IGSF9B: variants seen among roughly 807,000 people sequenced by gnomAD.
The protein encoded by IGSF9B is immunoglobulin superfamily member 9B, also known as protein turtle homolog B.
IGSF9B carries 48 observed loss-of-function variants against 143.7 expected under a neutral mutation model. The observed-to-expected ratio is 0.33, with a 90% CI of 0.26 to 0.42. The LOEUF (loss-of-function observed/expected upper bound fraction) is 0.42, where lower values mean the gene tolerates loss of function less well. Ranked by LOEUF, IGSF9B falls within the 20% of genes least tolerant of loss-of-function variation. IGSF9B has a pLI of 1.00. For synonymous variants in IGSF9B, 903 were observed against 833.1 expected, an observed-to-expected ratio of 1.08 and a Z score of -1.44; for missense variants, 1,706 against 1,980.0, an observed-to-expected ratio of 0.86 and a Z score of 2.63.
chr11:133,947,901 G>C (rs1940085319), intron 1 of IGSF9B, among the ~76,000 whole-genome samples: 1 of 151,798 alleles, frequency 6.6e-6, no homozygotes. Context: ...CTCCATTTCT[G>C]CATGTGTCTG....
chr11:133,925,653 T>C lies in IGSF9B; in HGVS notation c.2034+86A>G, dbSNP rs538867206. 9.3e-4 allele frequency: 998 copies of C among 1,075,102 alleles called. 11 individuals carry two copies. The South Asian group carries it at 0.013, about 14-fold the overall frequency. 66.6% of individuals were successfully genotyped at this position (1,075,102 alleles called of 1,614,324 possible). ...TGTGGCTGGCCTCACACACCCAAAGTTGGTCACTCAAAGCTTCCAGTGCCT... is the reference window on the plus strand; with the variant it reads ...TGTGGCTGGCCTCACACACCCAAAGCTGGTCACTCAAAGCTTCCAGTGCCT... On this transcript the variant is annotated intron_variant, in intron 14 of 19. Transcript: ENST00000533871.
Position 133,920,063 on chromosome 11 carries a change from C to T in IGSF9B, c.3662G>A (p.Arg1221His), listed in dbSNP as rs375449983. 2.0e-4 allele frequency: 311 copies of T among 1,542,240 alleles called. No homozygotes were observed. Among genetic ancestry groups the T allele is most frequent in the Non-Finnish European group, 2.7e-4 (305 of 1,146,188 alleles). The change falls in exon 18 of 20, where the codon CGT becomes CAT. Residue 1221 changes from arginine to histidine, a missense_variant. Around this residue, in one of 7 missense-constraint regions of IGSF9B, gnomAD observed 880 missense variants for 762.9 expected, o/e 1.15. Transcript: ENST00000533871. The stretch of plus-strand genomic sequence containing the variant: ...CAGGAGGCCCGGGCGAGGCCGGGCA[C>T]GGGCGGCGAGCTCAGGGGAGCCGGT... The part of the protein sequence containing the change: ...SRTGSPELAA[R>H]ARPRPGLLQQ...
rs749401029 is a variant in IGSF9B, at chr11:133,925,896, G to A, written c.1877C>T (p.Thr626Ile). 1 of 1,612,508 alleles carries A rather than the reference G, an allele frequency of 6.2e-7. No individual in the cohort carries two copies. Among genetic ancestry groups the A allele is most frequent in the African/African-American group, 1.3e-5 (1 of 74,938 alleles). ...TPPRCLIANR[T>I]QQGVLLSWLP... is the part of the protein sequence containing the mutation. ...CCAGGACAGGAGCACACCCTGCTGAGTCCGATTGGCTATGAGGCACCTCGG... is the reference window on the plus strand; with the variant it reads ...CCAGGACAGGAGCACACCCTGCTGAATCCGATTGGCTATGAGGCACCTCGG... The change falls in exon 14 of 20, where the codon ACT becomes ATT. Residue 626 changes from threonine (T) to isoleucine (I), a missense_variant. By Grantham distance (89) the Thr-to-Ile change is moderately conservative. This residue lies in a region of IGSF9B where 267 missense variants were observed against 321.1 expected (regional missense o/e 0.83). Coordinates refer to ENST00000533871, the MANE Select transcript of IGSF9B (RefSeq NM_001277285.4).
At position 133,925,922 on chromosome 11, in the gene IGSF9B, TGGGGTGACCAGCACCAG is replaced by T; in HGVS notation, c.1834_1850del (p.Leu612ThrfsTer66). On this transcript the variant is annotated frameshift_variant, in exon 14 of 20. Coordinates refer to ENST00000533871, the MANE Select transcript of IGSF9B (RefSeq NM_001277285.4). LOFTEE classifies it high-confidence loss of function. ...TCCGATTGGCTATGAGGCACCTCGG[TGGGGTGACCAGCACCAG>T]GGGTTCTGGAGTTGTAATAGGGAAT... 1 of 1,609,544 alleles carries T rather than the reference TGGGGTGACCAGCACCAG, an allele frequency of 6.2e-7. No individual in the cohort carries two copies. The highest frequency in any genetic ancestry group is 2.2e-5 in the East Asian group (1 of 44,682).
Position 133,931,641 on chromosome 11 carries a change from C to A in IGSF9B, c.1251+14G>T, listed in dbSNP as rs376796007. 1 of 1,607,996 alleles carries A rather than the reference C, an allele frequency of 6.2e-7. No individual in the cohort carries two copies. Among genetic ancestry groups the A allele is most frequent in the Non-Finnish European group, 8.5e-7 (1 of 1,176,496 alleles). On this transcript the variant is annotated intron_variant, in intron 9 of 19. Coordinates refer to ENST00000533871, the MANE Select transcript of IGSF9B (RefSeq NM_001277285.4). This position sits in a 1 kb window ranked among gnomAD's most constrained non-coding sequence, Gnocchi z 7.7. ...GCCCAGCTCATGGAGGCCGTCACAG[C>A]CCTGGGACCTCACCTTCAGGACAAG... is the stretch of plus-strand genomic sequence containing the variant.
In IGSF9B at chr11:133,919,757, G is replaced by A. The variant is rs1279081770; in HGVS notation, c.3968C>T (p.Thr1323Met). Residue 1323 changes from threonine (T) to methionine (M), a missense_variant, in exon 18 of 20, where the codon ACG becomes ATG. Physicochemically the swap from Thr to Met is moderately conservative, Grantham distance 81 (BLOSUM62 -1). Coordinates refer to ENST00000533871, the MANE Select transcript of IGSF9B (RefSeq NM_001277285.4). ...GCGCACTCACCCTGAAGTAGGTAAC[G>A]TGGGTGGTGGGGTCTCCGGTCGGAG... is the stretch of plus-strand genomic sequence containing the variant. ...ELLRPETPPP[T>M]LPTSGTLPPA... 2 of 1,468,880 alleles carry A rather than the reference G, an allele frequency of 1.4e-6. No homozygotes were observed. Among genetic ancestry groups the A allele is most frequent in the East Asian group, 2.4e-5 (1 of 41,596 alleles). The allele number at this position is 1,468,880 out of a possible 1,614,324, so 91.0% of individuals were successfully genotyped here.
At chr11:133,922,850 G>A in intron 15 of IGSF9B, 120 bp from the exon 16 acceptor site, 1 of 902,858 alleles carries the variant, frequency 1.1e-6, no homozygotes, top group African/African-American at 1.6e-5. Flanking sequence ...CAAGGCTCGG[G>A]CTCCAAGCTG....
chr11:133,916,360 G>A (rs1397393767), intron 18 of IGSF9B, among the ~76,000 whole-genome samples: 1 of 152,214 alleles, frequency 6.6e-6, no homozygotes, highest in African/African-American at 2.4e-5. Context: ...GAAACAGTGA[G>A]AACGCACGTG....
At chr11:133,933,616 C>T (rs754392967) in intron 7 of IGSF9B, among the ~76,000 whole-genome samples, 1 of 152,190 alleles carries the variant, frequency 6.6e-6, no homozygotes, top group Non-Finnish European at 1.5e-5. Context: ...GGCATGGTGG[C>T]ACACACCTGT....
Position 133,921,124 on chromosome 11 carries a change from G to A in IGSF9B, c.2601C>T (p.Pro867=), listed in dbSNP as rs1419748242. 1 of 1,613,652 alleles carries A rather than the reference G, an allele frequency of 6.2e-7. No homozygotes were observed. The highest frequency in any genetic ancestry group is 2.2e-5 in the East Asian group (1 of 44,900). Residue 867 remains proline, a synonymous_variant, in exon 18 of 20, where the codon CCC becomes CCT. Transcript: ENST00000533871. ...RFVMDPAEME[P]SLKSRRIEGF... ...CCTCGATGCGCCTGCTCTTCAGCGA[G>A]GGCTCCATCTCGGCAGGGTCCATCA... is the stretch of plus-strand genomic sequence containing the variant.
chr11:133,936,451 G>C (rs955376418), intron 5 of IGSF9B, among the ~76,000 whole-genome samples: 1 of 152,158 alleles, frequency 6.6e-6, no homozygotes, highest in East Asian at 1.9e-4. Flanking sequence ...GCCCGAGCCA[G>C]ACATGCAGCA....
Position 133,948,617 on chromosome 11 carries a change from CTGTGTGTGTGTG to C in IGSF9B, c.65-2371_65-2360del, listed in dbSNP as rs59414581. On this transcript the variant is annotated intron_variant, in intron 1 of 19. Transcript: ENST00000533871. This position sits in a 1 kb window ranked among gnomAD's most constrained non-coding sequence, Gnocchi z 4.7. ...TGGGTGCCATGAGTTTGCAGAGAAG[CTGTGTGTGTGTG>C]TGTGTGTGTGTGTGTGTGTGTGTGT... is the stretch of plus-strand genomic sequence containing the variant. Among the ~76,000 whole-genome samples the C allele has an allele frequency of 0.014, 1,939 of 140,996 alleles. 25 individuals are homozygous for C. Among genetic ancestry groups the C allele is most frequent in the Middle Eastern group, 0.059 (17 of 288 alleles). 92.5% of individuals were successfully genotyped at this position (140,996 alleles called of 152,430 possible).
intron 18 of IGSF9B, among the ~76,000 whole-genome samples, chr11:133,917,496 T>G (rs1939410134): frequency 6.6e-6 from 1 of 151,992 alleles, no homozygotes; most frequent in South Asian, 2.1e-4. Context: ...ACCCTTTCCC[T>G]ACAGCATGAC....
In IGSF9B at chr11:133,927,042, G is replaced by T; in HGVS notation, c.1681C>A (p.Pro561Thr). 6.4e-7 allele frequency: 1 copy of T among 1,563,826 alleles called. No homozygotes were observed. The highest frequency in any genetic ancestry group is 8.7e-7 in the Non-Finnish European group (1 of 1,154,258). Residue 561 changes from proline to threonine, a missense_variant, in exon 13 of 20, where the codon CCG becomes ACG. Pro to Thr is a conservative substitution (Grantham distance 38). Coordinates refer to ENST00000533871, the MANE Select transcript of IGSF9B (RefSeq NM_001277285.4). ...ACCAGCAGCCAGCTGGGTCCTGGCG[G>T]CACTGGCAAGGACAGCCAGTCATGG... ...GPHDWLSLPV[P>T]PGPSWLLVDT...
At chr11:133,919,069 G>T (rs754091899) in intron 18 of IGSF9B, 7 of 497,676 alleles carry the variant, frequency 1.4e-5, no homozygotes, top group Admixed American at 1.1e-4. Flanking sequence ...TCTCAGGCGG[G>T]CTGGTCGCGG....
At chr11:133,940,676 C>T (rs1025144507) in intron 3 of IGSF9B, among the ~76,000 whole-genome samples, 1 of 151,058 alleles carries the variant, frequency 6.6e-6, no homozygotes, top group Non-Finnish European at 1.5e-5. Context: ...CGCACGTCCT[C>T]GCACGTGTCA....
In IGSF9B at chr11:133,930,891, C is replaced by T. The variant is rs915539815; in HGVS notation, c.1519+93G>A. On this transcript the variant is annotated intron_variant, in intron 11 of 19. Transcript: ENST00000533871. The stretch of plus-strand genomic sequence containing the variant: ...TAGGAAGGGAGCCCGCAGAGTGCAG[C>T]GGCCACCAGGGGACGCTCCCAGCGT... The T allele has an allele frequency of 3.1e-5, 40 of 1,290,276 alleles. 1 individual carries two copies. In the Admixed American group the frequency reaches 3.1e-4, roughly 10 times the overall value. The allele number at this position is 1,290,276 out of a possible 1,614,324, so 79.9% of individuals were successfully genotyped here.
chr11:133,937,778 C>A (rs1565441617), intron 4 of IGSF9B, 32 bp downstream of exon 4: 1 of 1,598,504 alleles, frequency 6.3e-7, no homozygotes, highest in Non-Finnish European at 8.5e-7. Context: ...GGGGAAGAGA[C>A]CGCAGCGGCC....
At chr11:133,932,298 G>A (rs1939747538) in intron 7 of IGSF9B, 85 bp from the exon 8 acceptor site, 6 of 1,386,076 alleles carry the variant, frequency 4.3e-6, no homozygotes, top group African/African-American at 4.0e-5. Flanking sequence ...GACAGACACA[G>A]GGACAGACAG....
Sources: allele counts gnomAD v4.1 joint callset (sites outside exome capture counted in the v4.1 genomes callset), GRCh38; gene constraint gnomAD v4.1.1; regional missense constraint gnomAD v4.1.1; non-coding constraint Gnocchi (gnomAD v3.1); transcripts MANE v1.5; gene names NCBI Gene and HGNC (gene_info 2026-07-23, HGNC 2026-07-21).